The following BTNL9 variants were observed in gnomAD, a reference collection of about 807,000 sequenced individuals.
The protein encoded by BTNL9 is butyrophilin like 9, also known as butyrophilin-like protein 9.
In BTNL9, 45 loss-of-function variants were observed where a neutral mutation model predicts 45.8. That is an observed-to-expected ratio of 0.98 (90% CI 0.77 to 1.26). BTNL9 has a LOEUF of 1.26. Among genes scored for constraint, BTNL9 ranks in the 50% most tolerant of loss-of-function variants. The pLI is 0.00. For synonymous variants in BTNL9, 346 were observed against 330.8 expected, an observed-to-expected ratio of 1.05 and a Z score of -0.50; for missense variants, 784 against 729.7, an observed-to-expected ratio of 1.07 and a Z score of -0.86.
intron 1 of BTNL9, 102 bp downstream of exon 1, chr5:181,040,534 ACC>A (rs1440087024): frequency 2.6e-5 from 4 of 152,240 alleles, no homozygotes. Context: ...AATTAGTGGC[ACC>A]ATTTTATTAT....
At chr5:181,045,816 C>T (rs1038281912) in intron 2 of BTNL9, among the ~76,000 whole-genome samples, 2 of 133,598 alleles carry the variant, frequency 1.5e-5, no homozygotes, top group African/African-American at 3.0e-5. Flanking sequence ...CCTCCTCCAC[C>T]ATCTCTCCAG....
intron 4 of BTNL9, among the ~76,000 whole-genome samples, chr5:181,051,100 AAAAC>A (rs1231669864): frequency 5.3e-5 from 8 of 151,764 alleles, no homozygotes; most frequent in African/African-American, 1.7e-4. Context: ...AAAAAAAAAA[AAAAC>A]AAGAAGAAGG....
Position 181,053,874 on chromosome 5 carries a change from C to G in BTNL9, c.887-365C>G. The G allele has an allele frequency of 6.6e-7, 1 of 1,505,504 alleles. No homozygotes were observed. The highest frequency in any genetic ancestry group is 8.9e-7 in the Non-Finnish European group (1 of 1,127,520). The allele number at this position is 1,505,504 out of a possible 1,614,324, so 93.3% of individuals were successfully genotyped here. A position where few individuals can be genotyped will look rare whatever the true frequency, so the allele number is the denominator to read the frequency against. On this transcript the variant is annotated intron_variant, in intron 6 of 10. Coordinates refer to ENST00000327705, the MANE Select transcript of BTNL9 (RefSeq NM_152547.5). The surrounding 1 kb of genome is among the most constrained non-coding windows in gnomAD (Gnocchi z 6.5). ...GGAGTCGGGCGGATGCGCAACATCT[C>G]CGCACAGGGTCAGGAAGCGGCGGTC... is the stretch of plus-strand genomic sequence containing the variant.
chr5:181,052,853 G>A (rs1761624036), intron 4 of BTNL9: 1 of 134,176 alleles, frequency 7.5e-6, no homozygotes, highest in African/African-American at 3.1e-5. Context: ...GGAGCTCCCC[G>A]GACATCCGCC....
chr5:181,053,932 C>T lies in BTNL9; in HGVS notation c.887-307C>T. ...GAGAAAACAGCCCAGTTACGTGAGG[C>T]AGTGTCCGGGGCTTAACGTTTCCGC... On this transcript the variant is annotated intron_variant, in intron 6 of 10. Transcript: ENST00000327705. This position sits in a 1 kb window ranked among gnomAD's most constrained non-coding sequence, Gnocchi z 6.5. 2.0e-6 allele frequency: 3 copies of T among 1,516,410 alleles called. No individual in the cohort carries two copies. Among genetic ancestry groups the T allele is most frequent in the Middle Eastern group, 1.7e-4 (1 of 5,908 alleles). 93.9% of individuals were successfully genotyped at this position (1,516,410 alleles called of 1,614,324 possible).
chr5:181,044,184 A>T (rs1422126629), intron 1 of BTNL9, among the ~76,000 whole-genome samples: 1 of 151,304 alleles, frequency 6.6e-6, no homozygotes, highest in Non-Finnish European at 1.5e-5. Flanking sequence ...CACCTCATTA[A>T]CTCACCCTGC....
chr5:181,059,640 C>T lies in BTNL9; in HGVS notation c.1386C>T (p.Phe462=), dbSNP rs1181447659. 6.2e-7 allele frequency: 1 copy of T among 1,613,670 alleles called. No individual in the cohort carries two copies. Among genetic ancestry groups the T allele is most frequent in the Middle Eastern group, 1.6e-4 (1 of 6,062 alleles). ...ACTACGAGGCCGGAGAGCTGTCCTT[C>T]TTCAACGTGTCCGACGGCTCCCACA... The part of the protein sequence containing the change: ...FLDYEAGELS[F]FNVSDGSHIF... The change falls in exon 11 of 11, where the codon TTC becomes TTT. Residue 462 remains phenylalanine (F), a synonymous_variant. Coordinates refer to ENST00000327705, the MANE Select transcript of BTNL9 (RefSeq NM_152547.5).
intron 4 of BTNL9, among the ~76,000 whole-genome samples, chr5:181,051,447 G>T (rs1330028718): frequency 1.3e-5 from 2 of 152,214 alleles, no homozygotes; most frequent in Non-Finnish European, 2.9e-5. Flanking sequence ...TAACTTGTCT[G>T]CAAGTAGGAG....
chr5:181,047,504 G>A (rs922448325), intron 2 of BTNL9: 1 of 992,206 alleles, frequency 1.0e-6, no homozygotes, highest in Non-Finnish European at 1.2e-6. Context: ...GCAATTTGAT[G>A]TCTCCTTTCA....
chr5:181,048,742 T>A (rs901060756), intron 3 of BTNL9, among the ~76,000 whole-genome samples: 23 of 62,940 alleles, frequency 3.7e-4, no homozygotes, highest in African/African-American at 1.2e-3. Context: ...TATATATCTA[T>A]CTATATATAT....
At chr5:181,047,868 A>C in intron 2 of BTNL9, 59 bp from the exon 3 acceptor site, 2 of 1,448,634 alleles carry the variant, frequency 1.4e-6, no homozygotes, top group South Asian at 1.3e-5. Flanking sequence ...AAGGGGTGTG[A>C]TAACTTTTTT....
At chr5:181,048,760 G>T (rs1761340442) in intron 3 of BTNL9, among the ~76,000 whole-genome samples, 7 of 68,254 alleles carry the variant, frequency 1.0e-4, no homozygotes, top group Non-Finnish European at 2.0e-4. Flanking sequence ...TATAGATATA[G>T]ATATATATAG....
intron 1 of BTNL9, among the ~76,000 whole-genome samples, chr5:181,041,983 T>C (rs1760795477): frequency 6.6e-6 from 1 of 152,124 alleles, no homozygotes; most frequent in Non-Finnish European, 1.5e-5. Flanking sequence ...CAAAAAGTAC[T>C]CATCTTTAAA....
intron 1 of BTNL9, among the ~76,000 whole-genome samples, chr5:181,044,698 T>A (rs944446578): frequency 6.6e-6 from 1 of 151,840 alleles, no homozygotes; most frequent in African/African-American, 2.4e-5. Context: ...TGGCCGTGAG[T>A]CATTAGTGGG....
rs1038944198 is a variant in BTNL9, at chr5:181,053,113, T to C, written c.737-87T>C. The C allele has an allele frequency of 5.1e-6, 6 of 1,186,268 alleles. No homozygotes were observed. The African/African-American group carries it at 6.6e-5, about 13-fold the overall frequency. 73.5% of individuals were successfully genotyped at this position (1,186,268 alleles called of 1,614,324 possible). A position where few individuals can be genotyped will look rare whatever the true frequency, so the allele number is the denominator to read the frequency against. ...CGCCCGGAGAAGGTCCCGCGGGAGG[T>C]TTCCCGGCACGCGGCGGGCAGGCCG... On this transcript the variant is annotated intron_variant, in intron 4 of 10. Coordinates refer to ENST00000327705, the MANE Select transcript of BTNL9 (RefSeq NM_152547.5). This position sits in a 1 kb window ranked among gnomAD's most constrained non-coding sequence, Gnocchi z 6.5.
intron 3 of BTNL9, among the ~76,000 whole-genome samples, chr5:181,048,779 ATATTAAT>A (rs1761343987): frequency 8.2e-5 from 3 of 36,466 alleles, no homozygotes; most frequent in Admixed American, 4.0e-4. Context: ...AGTATGCTAT[ATATTAAT>A]TATATAGTTA....
Position 181,047,956 on chromosome 5 carries a change from A to G in BTNL9, c.139A>G (p.Ile47Val). ...EVKVLGPEYP[I>V]LALVGEEVEF... ...CAAGGTGCTAGGCCCTGAGTATCCCATCCTGGCCCTCGTCGGGGAGGAGGT... is the reference window on the plus strand; with the variant it reads ...CAAGGTGCTAGGCCCTGAGTATCCCGTCCTGGCCCTCGTCGGGGAGGAGGT... The change falls in exon 3 of 11, where the codon ATC (isoleucine) becomes GTC (valine). Residue 47 changes from isoleucine (I) to valine (V), a missense_variant. By Grantham distance (29) the Ile-to-Val change is conservative. Coordinates refer to ENST00000327705, the MANE Select transcript of BTNL9 (RefSeq NM_152547.5). 5.0e-6 allele frequency: 8 copies of G among 1,613,850 alleles called. No individual in the cohort carries two copies. The highest frequency in any genetic ancestry group is 6.8e-6 in the Non-Finnish European group (8 of 1,180,010).
At position 181,050,541 on chromosome 5, in the gene BTNL9, C is replaced by T. The variant is rs1049069609; in HGVS notation, c.736+172C>T. On this transcript the variant is annotated intron_variant, in intron 4 of 10. Transcript: ENST00000327705. This position sits in a 1 kb window ranked among gnomAD's most constrained non-coding sequence, Gnocchi z 4.9. Reference sequence around the variant, plus strand: ...GGATATTAGGAACACACTAAGAACGCTACTGAGAACCCAAACAGTCAGTGA... The same window carrying T: ...GGATATTAGGAACACACTAAGAACGTTACTGAGAACCCAAACAGTCAGTGA... 6.6e-6 allele frequency among the ~76,000 whole-genome samples: 1 copy of T among 152,176 alleles called. No homozygotes were observed. The highest frequency in any genetic ancestry group is 1.5e-5 in the Non-Finnish European group (1 of 68,028).
intron 1 of BTNL9, among the ~76,000 whole-genome samples, chr5:181,043,660 C>T (rs1760925363): frequency 6.6e-6 from 1 of 152,220 alleles, no homozygotes; most frequent in Non-Finnish European, 1.5e-5. Context: ...TGAACACTGA[C>T]GTGCCCCTCC....
Sources: gnomAD v4.1 joint callset for allele counts (sites outside exome capture counted in the v4.1 genomes callset) on GRCh38, gnomAD v4.1.1 for gene constraint, Gnocchi (gnomAD v3.1) non-coding constraint, MANE v1.5 for transcripts, NCBI Gene and HGNC (gene_info 2026-07-23, HGNC 2026-07-21) for gene names.